Variants in HGD observed in about 807,000 individuals in gnomAD.
HGD encodes the protein homogentisate 1,2-dioxygenase.
HGD carries 61 observed loss-of-function variants against 60.8 expected under a neutral mutation model. That is an observed-to-expected ratio of 1.00 (90% confidence interval 0.82 to 1.24). The LOEUF (loss-of-function observed/expected upper bound fraction) is 1.24. HGD is among the 50% of genes most tolerant of loss of function. HGD has a pLI of 0.00. For missense variants in HGD, 542 were observed against 547.1 expected, an observed-to-expected ratio of 0.99 and a Z score of 0.09; for synonymous variants, 212 against 187.7, an observed-to-expected ratio of 1.13 and a Z score of -1.06.
intron 4 of HGD, among the ~76,000 whole-genome samples, chr3:120,661,019 C>G (rs754882729): frequency 2.0e-5 from 3 of 152,190 alleles, no homozygotes; most frequent in Non-Finnish European, 4.4e-5. Flanking sequence ...CAACAACTCT[C>G]TGAGGCTCCC....
chr3:120,654,287 T>G (rs1485674886), intron 4 of HGD, among the ~76,000 whole-genome samples: 1 of 152,136 alleles, frequency 6.6e-6, no homozygotes, highest in South Asian at 2.1e-4. Flanking sequence ...TTTAGCTCTA[T>G]CCAGAGATTC....
intron 4 of HGD, among the ~76,000 whole-genome samples, chr3:120,669,268 A>G (rs1158879749): frequency 7.6e-6 from 1 of 131,246 alleles, no homozygotes; most frequent in Non-Finnish European, 1.5e-5. Context: ...GATTAAAAAC[A>G]AAAAAAAAAC....
intron 7 of HGD, among the ~76,000 whole-genome samples, 191 bp from the exon 8 acceptor site, chr3:120,647,243 A>C (rs1941194757): frequency 6.6e-6 from 1 of 152,238 alleles, no homozygotes; most frequent in African/African-American, 2.4e-5. Context: ...ATGTGAATAA[A>C]ACAATGACTC....
chr3:120,633,126 T>C (rs374616365), intron 13 of HGD, 21 bp downstream of exon 13: 2 of 1,612,230 alleles, frequency 1.2e-6, no homozygotes, highest in African/African-American at 2.7e-5. Context: ...GCCGCTGGAA[T>C]GTGGCAGTTA....
Position 120,650,830 on chromosome 3 carries a change from C to A in HGD, c.378G>T (p.Lys126Asn), listed in dbSNP as rs776824088. 6.2e-7 allele frequency: 1 copy of A among 1,614,094 alleles called. No homozygotes were observed. The highest frequency in any genetic ancestry group is 8.5e-7 in the Non-Finnish European group (1 of 1,179,928). ...LHTLCGAGDI[K>N]SNNGLAIHIF... ...TGTGGATAGCAAGCCCATTGTTAGA[C>A]TTTATGTCTCCAGCTCCACACAAGG... Residue 126 changes from lysine (K) to asparagine (N), a missense_variant, in exon 6 of 14, where the codon AAG becomes AAT. Coordinates refer to ENST00000283871, the MANE Select transcript of HGD (RefSeq NM_000187.4).
At chr3:120,638,356 G>A in intron 12 of HGD, 99 bp downstream of exon 12, 1 of 1,407,026 alleles carries the variant, frequency 7.1e-7, no homozygotes, top group South Asian at 1.2e-5. Context: ...GCCATGGTGG[G>A]TGTCCAGAAA....
intron 7 of HGD, 51 bp downstream of exon 7, chr3:120,647,826 G>C (rs1462438440): frequency 1.5e-6 from 2 of 1,358,370 alleles, no homozygotes; most frequent in Admixed American, 1.7e-5. Flanking sequence ...AAAGCAGCTT[G>C]CGGTTAGGGG....
In HGD at chr3:120,682,089, T is replaced by C. The variant is rs763399523; in HGVS notation, c.15+8A>G. 8 of 1,613,806 alleles carry C rather than the reference T, an allele frequency of 5.0e-6. No individual in the cohort carries two copies. In the Admixed American group the frequency reaches 1.3e-4, roughly 27 times the overall value. On this transcript the variant is annotated splice_region_variant and intron_variant, in intron 1 of 13. Transcript: ENST00000283871. Reference sequence around the variant, plus strand: ...AAGCCATAGCAAACTTGTCAGATGGTTTCTTACCTTTAACTCAGCCATTTT... The same window carrying C: ...AAGCCATAGCAAACTTGTCAGATGGCTTCTTACCTTTAACTCAGCCATTTT...
intron 6 of HGD, 113 bp from the exon 7 acceptor site, chr3:120,648,024 T>G (rs1389281811): frequency 2.3e-6 from 2 of 879,626 alleles, no homozygotes; most frequent in Non-Finnish European, 3.9e-6. Context: ...GAGCTGGGTA[T>G]AAAATGGGGA....
Position 120,641,653 on chromosome 3 carries a change from T to A in HGD, c.815A>T (p.Tyr272Phe). 1 of 1,614,044 alleles carries A rather than the reference T, an allele frequency of 6.2e-7. No homozygotes were observed. The highest frequency in any genetic ancestry group is 8.5e-7 in the Non-Finnish European group (1 of 1,179,898). The change falls in exon 11 of 14, where the codon TAT (tyrosine) becomes TTT (phenylalanine). Residue 272 changes from tyrosine to phenylalanine, a missense_variant. Tyr to Phe is a conservative substitution (Grantham distance 22). Coordinates refer to ENST00000283871, the MANE Select transcript of HGD (RefSeq NM_000187.4). ...PFNVVAWHGN[Y>F]TPYKYNLKNF... ...CTTCAGGTTGTACTTGTAGGGTGTATAATTCCCGTGCCAGGCCACAACATT... is the reference window on the plus strand; with the variant it reads ...CTTCAGGTTGTACTTGTAGGGTGTAAAATTCCCGTGCCAGGCCACAACATT...
At chr3:120,679,305 G>A (rs1022268230) in intron 1 of HGD, among the ~76,000 whole-genome samples, 1 of 152,164 alleles carries the variant, frequency 6.6e-6, no homozygotes, top group Admixed American at 6.5e-5. Context: ...CTCTTACTGG[G>A]CATGAAGGAA....
intron 13 of HGD, among the ~76,000 whole-genome samples, chr3:120,630,079 G>T (rs1038493703): frequency 3.3e-5 from 5 of 152,036 alleles, no homozygotes; most frequent in African/African-American, 9.7e-5. Context: ...GAGGTGAAAG[G>T]TCTCTATAAT....
At chr3:120,637,751 G>A (rs901361580) in intron 12 of HGD, among the ~76,000 whole-genome samples, 1 of 152,146 alleles carries the variant, frequency 6.6e-6, no homozygotes, top group Admixed American at 6.5e-5. Context: ...AAAATGTGAG[G>A]AAACTTGTTT....
At chr3:120,639,227 C>T (rs567866991) in intron 11 of HGD, among the ~76,000 whole-genome samples, 2 of 152,240 alleles carry the variant, frequency 1.3e-5, no homozygotes, top group South Asian at 4.1e-4. Context: ...TAGTAGTCTC[C>T]AGTGTCTATT....
At position 120,646,972 on chromosome 3, in the gene HGD, C is replaced by A. The variant is rs1373462009; in HGVS notation, c.549+1G>T. ...GGAAGAGAAGGGGACACATCACCAA[C>A]CTGAATGACGCAGATCTCATTGGGC... On this transcript the variant is annotated splice_donor_variant, in intron 8 of 13. Transcript: ENST00000283871. LOFTEE classifies it high-confidence loss of function. 2 of 1,612,754 alleles carry A rather than the reference C, an allele frequency of 1.2e-6. No individual in the cohort carries two copies. Among genetic ancestry groups the A allele is most frequent in the African/African-American group, 1.3e-5 (1 of 75,022 alleles).
At chr3:120,632,033 T>A (rs938622975) in intron 13 of HGD, among the ~76,000 whole-genome samples, 1 of 152,164 alleles carries the variant, frequency 6.6e-6, no homozygotes, top group African/African-American at 2.4e-5. Flanking sequence ...AGGTAATAGC[T>A]TAACTGAGAC....
rs1245583286 is a variant in HGD, at chr3:120,635,290, A to G, written c.1007-1962T>C. 2.0e-5 allele frequency among the ~76,000 whole-genome samples: 3 copies of G among 152,070 alleles called. No homozygotes were observed. The East Asian group carries it at 5.8e-4, about 29-fold the overall frequency. On this transcript the variant is annotated intron_variant, in intron 12 of 13. Coordinates refer to ENST00000283871, the MANE Select transcript of HGD (RefSeq NM_000187.4). ...CAAGAGATCGAGACCATCCTGGCCA[A>G]CATGGTGAAACCTCGTCTCTACTAA...
At chr3:120,664,538 C>T (rs1209776283) in intron 4 of HGD, among the ~76,000 whole-genome samples, 2 of 150,786 alleles carry the variant, frequency 1.3e-5, no homozygotes, top group Admixed American at 6.6e-5. Flanking sequence ...AGCAGTCTTC[C>T]CACCTCAGCC....
rs949487688 is a variant in HGD at position 120,628,283 on chromosome 3, T to C, written c.*97A>G. 7.1e-7 allele frequency: 1 copy of C among 1,400,296 alleles called. No homozygotes were observed. The highest frequency in any genetic ancestry group is 1.0e-6 in the Non-Finnish European group (1 of 992,068). The allele number at this position is 1,400,296 out of a possible 1,614,324, so 86.7% of individuals were successfully genotyped here. On this transcript the variant is annotated 3_prime_UTR_variant, in exon 14 of 14. Coordinates refer to ENST00000283871, the MANE Select transcript of HGD (RefSeq NM_000187.4). ...CTTGACTATGAAAAGTGAATTTTCA[T>C]TTTAACCAACCCCCTCCTCCAATAC...
Sources: allele counts gnomAD v4.1 joint callset (sites outside exome capture counted in the v4.1 genomes callset), GRCh38; gene constraint gnomAD v4.1.1; transcripts MANE v1.5; gene names NCBI Gene and HGNC (gene_info 2026-07-23, HGNC 2026-07-21).